The following ULK4 variants were observed in gnomAD, a reference collection of about 807,000 sequenced individuals.
ULK4 encodes the protein inactive serine/threonine-protein kinase ULK4.
A neutral mutation model predicts 160.6 loss-of-function variants in ULK4; 133 were observed. The observed-to-expected ratio is 0.83, with a 90% CI of 0.72 to 0.96. The LOEUF (loss-of-function observed/expected upper bound fraction) is 0.96. ULK4 is among the 40% of genes least tolerant of loss of function. The pLI is 0.00. For synonymous variants in ULK4, 534 were observed against 539.8 expected (o/e 0.99, Z 0.15); for missense variants, 1,580 against 1,499.5 (o/e 1.05, Z -0.89).
At chr3:41,414,123 C>T (rs1272678485) in intron 34 of ULK4, among the ~76,000 whole-genome samples, 1 of 152,204 alleles carries the variant, frequency 6.6e-6, no homozygotes, top group East Asian at 1.9e-4. Context: ...ATCGCTTGAA[C>T]CTGGGAGGCG....
chr3:41,759,092 C>A (rs1007068748), intron 21 of ULK4, among the ~76,000 whole-genome samples: 8 of 152,112 alleles, frequency 5.3e-5, no homozygotes, highest in Admixed American at 4.6e-4. Flanking sequence ...TTAATGATGA[C>A]AGACAAGGTG....
At chr3:41,530,084 T>G (rs1051579514) in intron 32 of ULK4, among the ~76,000 whole-genome samples, 1 of 152,186 alleles carries the variant, frequency 6.6e-6, no homozygotes, top group Non-Finnish European at 1.5e-5. Context: ...TACTAAAAAA[T>G]ATACTGAATT....
rs2035256634 is a variant in ULK4, at chr3:41,663,625, T to C, written c.3053A>G (p.His1018Arg). 1 of 1,613,946 alleles carries C rather than the reference T, an allele frequency of 6.2e-7. No individual in the cohort carries two copies. The highest frequency in any genetic ancestry group is 1.7e-4 in the Middle Eastern group (1 of 6,060). The stretch of plus-strand genomic sequence containing the variant: ...CCAGTACCTTGTGAAAGTTGGGTTG[T>C]GTTCAGTCATCGCGACTAGCAGTTT... ...ALKLLVAMTE[H>R]NPTFTRLVEE... The change falls in exon 30 of 37, where the codon CAC becomes CGC. Residue 1018 changes from histidine (H) to arginine (R), a missense_variant. His to Arg is a conservative substitution (Grantham distance 29). Coordinates refer to ENST00000301831, the MANE Select transcript of ULK4 (RefSeq NM_017886.4).
intron 30 of ULK4, among the ~76,000 whole-genome samples, chr3:41,650,622 T>C (rs1284415391): frequency 2.0e-5 from 3 of 152,232 alleles, no homozygotes; most frequent in African/African-American, 4.8e-5. Context: ...CATGCCACTA[T>C]GTGCCTGGCT....
chr3:41,865,310 T>A (rs142463046), intron 17 of ULK4, among the ~76,000 whole-genome samples: 1,856 of 129,724 alleles, frequency 0.014, 34 homozygotes, highest in African/African-American at 0.051. Flanking sequence ...AAAAAAGCCT[T>A]ATCTAGATGT....
intron 35 of ULK4, among the ~76,000 whole-genome samples, chr3:41,264,173 A>C (rs2078991034): frequency 6.6e-6 from 1 of 152,210 alleles, no homozygotes; most frequent in Non-Finnish European, 1.5e-5. Context: ...GAAGGCCTGA[A>C]GTGGGAACAG....
intron 31 of ULK4, among the ~76,000 whole-genome samples, chr3:41,600,581 C>G (rs907537836): frequency 2.6e-5 from 4 of 152,218 alleles, no homozygotes; most frequent in African/African-American, 9.6e-5. Context: ...CAACACTGTC[C>G]ATTCTGCAAA....
intron 27 of ULK4, among the ~76,000 whole-genome samples, chr3:41,697,236 G>A (rs1486490642): frequency 1.3e-5 from 2 of 152,082 alleles, no homozygotes; most frequent in Non-Finnish European, 2.9e-5. Flanking sequence ...GCACAATGAC[G>A]CTTCGGTCAG....
chr3:41,286,693 G>A (rs2079465733), intron 35 of ULK4, among the ~76,000 whole-genome samples: 1 of 152,208 alleles, frequency 6.6e-6, no homozygotes, highest in Admixed American at 6.5e-5. Flanking sequence ...AGTAGCACCG[G>A]AACACAGATT....
intron 30 of ULK4, among the ~76,000 whole-genome samples, chr3:41,657,835 A>AAAAAAAAAAAAAAAAAC (rs2035000764): frequency 7.0e-6 from 1 of 142,514 alleles, no homozygotes; most frequent in African/African-American, 2.5e-5. Flanking sequence ...AAAAAAAAAA[A>AAAAAAAAAAAAAAAAAC]CACACACCAC....
intron 35 of ULK4, among the ~76,000 whole-genome samples, chr3:41,293,323 G>C (rs913908712): frequency 6.6e-6 from 1 of 152,146 alleles, no homozygotes; most frequent in African/African-American, 2.4e-5. Context: ...AGGATTCCAT[G>C]GAAGGTCAAG....
intron 6 of ULK4, among the ~76,000 whole-genome samples, chr3:41,918,973 G>A (rs1699073748): frequency 6.6e-6 from 1 of 152,068 alleles, no homozygotes; most frequent in Non-Finnish European, 1.5e-5. Flanking sequence ...AAAATATATA[G>A]CAATAGCTAT....
At chr3:41,647,073 T>C (rs1167292198) in intron 30 of ULK4, among the ~76,000 whole-genome samples, 1 of 152,192 alleles carries the variant, frequency 6.6e-6, no homozygotes, top group Non-Finnish European at 1.5e-5. Context: ...TCTGTATTGG[T>C]TATTCTAGTT....
At chr3:41,590,221 C>G (rs1018135158) in intron 31 of ULK4, among the ~76,000 whole-genome samples, 1 of 151,668 alleles carries the variant, frequency 6.6e-6, no homozygotes, top group Non-Finnish European at 1.5e-5. Context: ...CCAGGATGGT[C>G]TCGCTCTCCT....
At chr3:41,881,397 T>C (rs1431893585) in intron 17 of ULK4, among the ~76,000 whole-genome samples, 2 of 152,084 alleles carry the variant, frequency 1.3e-5, no homozygotes, top group African/African-American at 4.8e-5. Flanking sequence ...TTCTTAAAAC[T>C]TGCACAACTT....
At chr3:41,536,075 C>A (rs2086488589) in intron 32 of ULK4, among the ~76,000 whole-genome samples, 1 of 152,206 alleles carries the variant, frequency 6.6e-6, no homozygotes, top group Admixed American at 6.5e-5. Flanking sequence ...CCACATCCCA[C>A]CCACTCCAGC....
intron 34 of ULK4, among the ~76,000 whole-genome samples, chr3:41,414,396 T>G (rs999784217): frequency 6.6e-6 from 1 of 152,212 alleles, no homozygotes; most frequent in African/African-American, 2.4e-5. Context: ...TTTTAAAAAC[T>G]GTTTTACAAC....
At chr3:41,406,024 A>T (rs918351604) in intron 34 of ULK4, among the ~76,000 whole-genome samples, 2 of 152,076 alleles carry the variant, frequency 1.3e-5, no homozygotes, top group African/African-American at 4.8e-5. Context: ...TTGAGGATTT[A>T]GTCCTAAATT....
At chr3:41,569,313 G>A (rs1013602409) in intron 31 of ULK4, among the ~76,000 whole-genome samples, 5 of 152,044 alleles carry the variant, frequency 3.3e-5, no homozygotes, top group Admixed American at 1.3e-4. Context: ...GCCCTCTAAT[G>A]TTGCCTTGGT....
Sources: gnomAD v4.1 joint callset for allele counts (sites outside exome capture counted in the v4.1 genomes callset) on GRCh38, gnomAD v4.1.1 for gene constraint, MANE v1.5 for transcripts, NCBI Gene and HGNC (gene_info 2026-07-23, HGNC 2026-07-21) for gene names.